The following ANXA10 variants were observed in gnomAD, a reference collection of about 807,000 sequenced individuals.
ANXA10 encodes the protein annexin 14.
A neutral mutation model predicts 53.5 loss-of-function variants in ANXA10; 49 were observed. That is an observed-to-expected ratio of 0.92 (90% CI 0.73 to 1.16). The LOEUF (loss-of-function observed/expected upper bound fraction) is 1.16. ANXA10 is among the 50% of genes most tolerant of loss of function. The pLI is 0.00. For synonymous variants in ANXA10, 131 were observed against 128.9 expected, an observed-to-expected ratio of 1.02 and a Z score of -0.11; for missense variants, 393 against 394.4, an observed-to-expected ratio of 1.00 and a Z score of 0.03.
rs140296944 is a variant in ANXA10, at chr4:168,142,783, C to T, written c.195+3203C>T. Reference sequence around the variant, plus strand: ...AAGACACAGGCAGGCTTTGACTGCTCCTGTAAACTTTCCCAGCCTGTCATG... The same window carrying T: ...AAGACACAGGCAGGCTTTGACTGCTTCTGTAAACTTTCCCAGCCTGTCATG... On this transcript the variant is annotated intron_variant, in intron 3 of 11. Transcript: ENST00000359299. 2.6e-5 allele frequency among the ~76,000 whole-genome samples: 4 copies of T among 152,272 alleles called. No individual in the cohort carries two copies. In the East Asian group the frequency reaches 7.7e-4, roughly 29 times the overall value.
At position 168,165,310 on chromosome 4, in the gene ANXA10, T is replaced by G; in HGVS notation, c.464T>G (p.Leu155Arg). The G allele has an allele frequency of 6.3e-7, 1 of 1,583,148 alleles. No individual in the cohort carries two copies. The highest frequency in any genetic ancestry group is 8.6e-7 in the Non-Finnish European group (1 of 1,161,424). The change falls in exon 6 of 12, where the codon CTC becomes CGC. Residue 155 changes from leucine (L) to arginine (R), a missense_variant. Physicochemically the swap from Leu to Arg is moderately radical, Grantham distance 102. Transcript: ENST00000359299. ...SETSGHFRDT[L>R]MNLVQGTREE... is the part of the protein sequence containing the mutation. ...ACCTCAGGACACTTCAGAGATACTCTCATGAACTTGGTCCAGGTATGGCAT... is the reference window on the plus strand; with the variant it reads ...ACCTCAGGACACTTCAGAGATACTCGCATGAACTTGGTCCAGGTATGGCAT...
In ANXA10 at chr4:168,175,580, C is replaced by A. The variant is rs116596305; in HGVS notation, c.481-2160C>A. 1.9e-3 allele frequency among the ~76,000 whole-genome samples: 296 copies of A among 152,254 alleles called. 1 individual carries two copies. Among genetic ancestry groups the A allele is most frequent in the Middle Eastern group, 0.017 (5 of 294 alleles). ...AGGTGGGACTCCTAAGGTACCTGCA[C>A]CTCAACATTTCCATGATTTGAAGAT... On this transcript the variant is annotated intron_variant, in intron 6 of 11. Transcript: ENST00000359299.
At chr4:168,153,770 T>A (rs1169129625) in intron 3 of ANXA10, among the ~76,000 whole-genome samples, 1 of 152,180 alleles carries the variant, frequency 6.6e-6, no homozygotes, top group East Asian at 1.9e-4. Flanking sequence ...ATTTTCACTT[T>A]GCAGATTGTG....
At chr4:168,160,384 A>G (rs1317929902) in intron 3 of ANXA10, among the ~76,000 whole-genome samples, 1 of 152,148 alleles carries the variant, frequency 6.6e-6, no homozygotes, top group Non-Finnish European at 1.5e-5. Flanking sequence ...TGAAAAGGAC[A>G]TAATCTCATC....
intron 1 of ANXA10, among the ~76,000 whole-genome samples, chr4:168,116,037 G>A (rs1309318292): frequency 6.6e-6 from 1 of 152,006 alleles, no homozygotes; most frequent in Non-Finnish European, 1.5e-5. Flanking sequence ...AGCAAGAAAA[G>A]GAAGGTACCT....
chr4:168,123,740 T>C (rs759927769), intron 1 of ANXA10, among the ~76,000 whole-genome samples: 60 of 152,196 alleles, frequency 3.9e-4, no homozygotes, highest in Non-Finnish European at 7.8e-4. Flanking sequence ...TGTCAGCATG[T>C]TATTTTTTTT....
At chr4:168,115,854 C>T (rs1730884602) in intron 1 of ANXA10, among the ~76,000 whole-genome samples, 1 of 152,008 alleles carries the variant, frequency 6.6e-6, no homozygotes, top group South Asian at 2.1e-4. Flanking sequence ...GAGGTGATTA[C>T]CAAGGAAACG....
At chr4:168,146,159 T>C (rs1205387535) in intron 3 of ANXA10, among the ~76,000 whole-genome samples, 1 of 152,200 alleles carries the variant, frequency 6.6e-6, no homozygotes, top group Non-Finnish European at 1.5e-5. Context: ...TCCACCCGCC[T>C]TGGCCTCTCA....
chr4:168,183,975 TACAG>T (rs1345016894), intron 10 of ANXA10, among the ~76,000 whole-genome samples: 1 of 152,240 alleles, frequency 6.6e-6, no homozygotes, highest in African/African-American at 2.4e-5. Context: ...GGGGCTAGCA[TACAG>T]ACATTGATTT....
At chr4:168,133,501 A>C (rs1731187230) in intron 2 of ANXA10, among the ~76,000 whole-genome samples, 1 of 152,030 alleles carries the variant, frequency 6.6e-6, no homozygotes, top group Non-Finnish European at 1.5e-5. Context: ...TTTCTTTTGA[A>C]AGCAGTGTTG....
chr4:168,176,407 G>C (rs1048368772), intron 6 of ANXA10, among the ~76,000 whole-genome samples: 1 of 152,120 alleles, frequency 6.6e-6, no homozygotes, highest in Admixed American at 6.5e-5. Context: ...GGGAGCTGAA[G>C]ACTCCCCCAA....
chr4:168,139,718 TATTCCTC>T, intron 3 of ANXA10, 138 bp downstream of exon 3: 1 of 541,406 alleles, frequency 1.8e-6, no homozygotes, highest in Non-Finnish European at 3.3e-6. Context: ...ATACAGTTCA[TATTCCTC>T]TTACATGTTT....
intron 1 of ANXA10, among the ~76,000 whole-genome samples, chr4:168,116,911 A>G (rs1579206619): frequency 6.6e-6 from 1 of 152,096 alleles, no homozygotes; most frequent in Admixed American, 6.6e-5. Context: ...ATGAAACACT[A>G]TGAAATTTAC....
intron 6 of ANXA10, among the ~76,000 whole-genome samples, chr4:168,167,244 A>C (rs1028668316): frequency 2.6e-5 from 4 of 152,072 alleles, no homozygotes; most frequent in African/African-American, 9.7e-5. Context: ...TTATGGTCTG[A>C]CTTATCTACT....
chr4:168,162,873 G>C (rs541343416), intron 4 of ANXA10, among the ~76,000 whole-genome samples: 4 of 152,302 alleles, frequency 2.6e-5, no homozygotes, highest in Admixed American at 6.5e-5. Flanking sequence ...GTTGTACAAA[G>C]TCACAAACTT....
Position 168,177,993 on chromosome 4 carries a change from A to G in ANXA10, c.628+10A>G, listed in dbSNP as rs764911736. 1.9e-6 allele frequency: 3 copies of G among 1,612,348 alleles called. No homozygotes were observed. In the South Asian group the frequency reaches 3.3e-5, roughly 18 times the overall value. ...CAGCAGCTGCGGCTGGGTAATTATT[A>G]ACTGGGTTTCGTTCCAGCTACTTGA... On this transcript the variant is annotated intron_variant, in intron 8 of 11. Coordinates refer to ENST00000359299, the MANE Select transcript of ANXA10 (RefSeq NM_007193.5).
intron 1 of ANXA10, among the ~76,000 whole-genome samples, chr4:168,093,157 A>G (rs937142401): frequency 4.6e-5 from 7 of 152,168 alleles, no homozygotes; most frequent in Non-Finnish European, 7.4e-5. Context: ...TTTGATTCAG[A>G]ATTCTAACTG....
At chr4:168,094,179 C>T (rs1333724355) in intron 1 of ANXA10, among the ~76,000 whole-genome samples, 2 of 151,934 alleles carry the variant, frequency 1.3e-5, no homozygotes, top group Non-Finnish European at 2.9e-5. Context: ...AATTATATTT[C>T]TGGGATTATT....
intron 3 of ANXA10, among the ~76,000 whole-genome samples, chr4:168,156,180 A>AT (rs1731662858): frequency 8.0e-5 from 2 of 24,850 alleles, no homozygotes; most frequent in Non-Finnish European, 1.2e-4. Flanking sequence ...ATTATATTAT[A>AT]TATTATATAT....
Sources: gnomAD v4.1 joint callset for allele counts (sites outside exome capture counted in the v4.1 genomes callset) on GRCh38, gnomAD v4.1.1 for gene constraint, MANE v1.5 for transcripts, NCBI Gene and HGNC (gene_info 2026-07-23, HGNC 2026-07-21) for gene names.